Variants in SGF29 observed in about 807,000 individuals in gnomAD.
The protein encoded by SGF29 is SAGA-associated factor 29.
In SGF29, 15 loss-of-function variants were observed where a neutral mutation model predicts 38.1. That is an observed-to-expected ratio of 0.39 (90% CI 0.26 to 0.61). The LOEUF (loss-of-function observed/expected upper bound fraction) is 0.61. Among genes scored for constraint, SGF29 ranks in the 20% least tolerant of loss-of-function variants. SGF29 has a pLI of 0.49. For missense variants in SGF29, 184 were observed against 394.6 expected (o/e 0.47, Z 4.52); for synonymous variants, 151 against 160.8 (o/e 0.94, Z 0.46).
intron 1 of SGF29, among the ~76,000 whole-genome samples, chr16:28,574,234 C>T (rs1010881700): frequency 7.2e-5 from 11 of 152,164 alleles, no homozygotes; most frequent in Non-Finnish European, 1.2e-4. Flanking sequence ...AGGTCCAGTG[C>T]GGTGTTTAAC....
At chr16:28,572,373 A>G (rs1419653716) in intron 1 of SGF29, among the ~76,000 whole-genome samples, 1 of 150,904 alleles carries the variant, frequency 6.6e-6, no homozygotes, top group African/African-American at 2.4e-5. Context: ...GGGTTCAAGC[A>G]GCTCTCCTGC....
intron 1 of SGF29, among the ~76,000 whole-genome samples, chr16:28,563,259 G>T (rs1443611317): frequency 6.6e-6 from 1 of 152,226 alleles, no homozygotes; most frequent in Non-Finnish European, 1.5e-5. Context: ...GTAAGAGTGT[G>T]TTGCCATTCG....
chr16:28,576,618 T>C (rs1217043442), intron 1 of SGF29, among the ~76,000 whole-genome samples: 2 of 150,358 alleles, frequency 1.3e-5, no homozygotes, highest in South Asian at 2.1e-4. Flanking sequence ...GAGAATTGCT[T>C]GAACGAGAGA....
intron 4 of SGF29, among the ~76,000 whole-genome samples, chr16:28,587,644 C>T (rs1327779138): frequency 6.6e-6 from 1 of 152,226 alleles, no homozygotes; most frequent in Non-Finnish European, 1.5e-5. Context: ...TGCTGCATCA[C>T]ACCCAGTTCC....
At chr16:28,573,403 A>T (rs2046876888) in intron 1 of SGF29, among the ~76,000 whole-genome samples, 1 of 151,904 alleles carries the variant, frequency 6.6e-6, no homozygotes, top group Non-Finnish European at 1.5e-5. Context: ...GGGGCTGTTG[A>T]CTCTCTTGAT....
intron 1 of SGF29, among the ~76,000 whole-genome samples, chr16:28,574,316 G>A (rs916803924): frequency 5.9e-5 from 9 of 152,260 alleles, no homozygotes; most frequent in East Asian, 1.9e-4. Flanking sequence ...CGAGCTGCCC[G>A]CATGCACAGT....
At chr16:28,577,278 A>C (rs1326070980) in intron 1 of SGF29, among the ~76,000 whole-genome samples, 1 of 151,694 alleles carries the variant, frequency 6.6e-6, no homozygotes, top group Non-Finnish European at 1.5e-5. Context: ...AAAGTGTGCA[A>C]TTCATTGGTT....
At chr16:28,554,866 C>G (rs1596593209) in intron 1 of SGF29, among the ~76,000 whole-genome samples, 1 of 152,336 alleles carries the variant, frequency 6.6e-6, no homozygotes, top group South Asian at 2.1e-4. Context: ...CAGTCCTGTT[C>G]AGCATTTGAT....
chr16:28,572,881 A>G (rs2046873100), intron 1 of SGF29, among the ~76,000 whole-genome samples: 1 of 150,460 alleles, frequency 6.6e-6, no homozygotes, highest in African/African-American at 2.5e-5. Context: ...CTCAGCATGA[A>G]ACTCCCCCCA....
intron 2 of SGF29, 111 bp from the exon 3 acceptor site, chr16:28,584,802 A>G (rs977536387): frequency 2.9e-5 from 20 of 681,240 alleles, no homozygotes; most frequent in Admixed American, 1.7e-4. Context: ...AAAAAAAAAA[A>G]AAAAAGAAAA....
intron 1 of SGF29, among the ~76,000 whole-genome samples, chr16:28,570,651 TC>T (rs1210049506): frequency 2.0e-5 from 3 of 151,898 alleles, no homozygotes; most frequent in African/African-American, 7.3e-5. Context: ...GGATCTCGGC[TC>T]ACTGCAACCT....
intron 1 of SGF29, among the ~76,000 whole-genome samples, chr16:28,555,913 A>T (rs915523966): frequency 6.6e-6 from 1 of 152,210 alleles, no homozygotes; most frequent in African/African-American, 2.4e-5. Context: ...ACAACTTGGA[A>T]TTCAGAGGAA....
chr16:28,570,920 A>T (rs896940315), intron 1 of SGF29, among the ~76,000 whole-genome samples: 2 of 151,984 alleles, frequency 1.3e-5, no homozygotes, highest in Non-Finnish European at 2.9e-5. Flanking sequence ...TGGACTTTAG[A>T]CTTTTGAGTT....
At chr16:28,582,974 T>G (rs2046935108) in intron 2 of SGF29, among the ~76,000 whole-genome samples, 2 of 152,150 alleles carry the variant, frequency 1.3e-5, no homozygotes, top group Admixed American at 6.5e-5. Context: ...ACAGGCAGAT[T>G]ACGCATTCCA....
At chr16:28,554,233 A>C in intron 1 of SGF29, 136 bp downstream of exon 1, 1 of 17,104 alleles carries the variant, frequency 5.8e-5, no homozygotes, top group Non-Finnish European at 1.3e-4. Flanking sequence ...TCTGGGCGGG[A>C]GGGGGGCGGG....
Position 28,584,939 on chromosome 16 carries a change from C to A in SGF29, c.102C>A (p.Asn34Lys), listed in dbSNP as rs368734087. The A allele has an allele frequency of 6.2e-7, 1 of 1,613,640 alleles. No individual in the cohort carries two copies. Among genetic ancestry groups the A allele is most frequent in the Non-Finnish European group, 8.5e-7 (1 of 1,179,960 alleles). ...TQEERSRSEH[N>K]LVNIQKTHER... ...AAGAGCGTTCGCGGAGCGAACACAA[C>A]TTAGTGAACATCCAGAAGACCCATG... is the stretch of plus-strand genomic sequence containing the variant. Residue 34 changes from asparagine (N) to lysine (K), a missense_variant, in exon 3 of 10, where the codon AAC becomes AAA. Asn to Lys is a moderately conservative substitution (Grantham distance 94). Coordinates refer to ENST00000317058, the MANE Select transcript of SGF29 (RefSeq NM_138414.3).
chr16:28,565,766 C>T (rs1025313377), intron 1 of SGF29, among the ~76,000 whole-genome samples: 4 of 150,952 alleles, frequency 2.6e-5, no homozygotes, highest in African/African-American at 7.3e-5. Flanking sequence ...GGATTACAGA[C>T]GTGAGCCACC....
chr16:28,590,853 T>C lies in SGF29; in HGVS notation c.683T>C (p.Phe228Ser). Reference sequence around the variant, plus strand: ...CCGGAGACGGACCCTGAGGCCTTGTTCCAGAAGGAGCAGCTCGTGCTGGCC... The same window carrying C: ...CCGGAGACGGACCCTGAGGCCTTGTCCCAGAAGGAGCAGCTCGTGCTGGCC... ...ANPETDPEALFQKEQLVLALY... is the reference protein window; with the variant it reads ...ANPETDPEALSQKEQLVLALY... Residue 228 changes from phenylalanine (F) to serine (S), a missense_variant, in exon 9 of 10, where the codon TTC (phenylalanine) becomes TCC (serine). By Grantham distance (155) the Phe-to-Ser change is radical. Transcript: ENST00000317058. This position sits in a 1 kb window ranked among gnomAD's most constrained non-coding sequence, Gnocchi z 8.2. 4 of 1,614,022 alleles carry C rather than the reference T, an allele frequency of 2.5e-6. No homozygotes were observed. Among genetic ancestry groups the C allele is most frequent in the Non-Finnish European group, 3.4e-6 (4 of 1,179,962 alleles).
intron 1 of SGF29, among the ~76,000 whole-genome samples, chr16:28,564,539 G>GTATATATATATGTATATATATATACGTA (rs201825145): frequency 5.6e-5 from 5 of 89,044 alleles, no homozygotes; most frequent in Non-Finnish European, 1.2e-4. Context: ...ATATATATAT[G>GTATATATATATGTATATATATATACGTA]TATATATATA....
Sources: allele counts gnomAD v4.1 joint callset (sites outside exome capture counted in the v4.1 genomes callset), GRCh38; gene constraint gnomAD v4.1.1; non-coding constraint Gnocchi (gnomAD v3.1); transcripts MANE v1.5; gene names NCBI Gene and HGNC (gene_info 2026-07-23, HGNC 2026-07-21).